The following LYPLAL1 variants were observed in gnomAD, a reference collection of about 807,000 sequenced individuals.
LYPLAL1 encodes the protein lysophospholipase-like protein 1.
Under a neutral mutation model 19.7 loss-of-function variants are expected in LYPLAL1, and 23 were observed. That is an observed-to-expected ratio of 1.17 (90% confidence interval 0.84 to 1.65). The LOEUF (loss-of-function observed/expected upper bound fraction) is 1.65. LYPLAL1 is among the 40% of genes most tolerant of loss of function. The pLI is 0.00. For synonymous variants in LYPLAL1, 119 were observed against 96.3 expected, an observed-to-expected ratio of 1.24 and a Z score of -1.38; for missense variants, 355 against 279.4, an observed-to-expected ratio of 1.27 and a Z score of -1.93.
the LYPLAL1 span, among the ~76,000 whole-genome samples, chr1:219,353,320 A>G: frequency 6.6e-6 from 1 of 152,378 alleles, no homozygotes; most frequent in Admixed American, 6.5e-5. Flanking sequence ...TAGATTCTAC[A>G]TAATGGTTCC....
the LYPLAL1 span, among the ~76,000 whole-genome samples, chr1:219,349,995 T>C: frequency 6.6e-6 from 1 of 152,212 alleles, no homozygotes; most frequent in Non-Finnish European, 1.5e-5. Context: ...CAATGATGCC[T>C]TTGATTTCAC....
At chr1:219,229,993 A>G in the LYPLAL1 span, among the ~76,000 whole-genome samples, 1 of 152,174 alleles carries the variant, frequency 6.6e-6, no homozygotes, top group African/African-American at 2.4e-5. Flanking sequence ...TAAGGTTACC[A>G]CACAAATGGC....
chr1:219,432,626 G>A, the LYPLAL1 span, among the ~76,000 whole-genome samples: 1 of 152,162 alleles, frequency 6.6e-6, no homozygotes, highest in South Asian at 2.1e-4. Context: ...CTCCTGAAGG[G>A]GAAATGGAAG....
chr1:219,389,387 T>C, the LYPLAL1 span, among the ~76,000 whole-genome samples: 1 of 152,306 alleles, frequency 6.6e-6, no homozygotes, highest in East Asian at 1.9e-4. Flanking sequence ...GGGTGGAGTT[T>C]GTTATTCAGA....
chr1:219,370,547 T>C, the LYPLAL1 span, among the ~76,000 whole-genome samples: 1 of 152,166 alleles, frequency 6.6e-6, no homozygotes, highest in Non-Finnish European at 1.5e-5. Context: ...TTTTGATCCA[T>C]GAGGAAGCAG....
At chr1:219,348,379 C>T in the LYPLAL1 span, among the ~76,000 whole-genome samples, 1 of 152,164 alleles carries the variant, frequency 6.6e-6, no homozygotes, top group Non-Finnish European at 1.5e-5. Flanking sequence ...GGGGTCAATT[C>T]GTGTGGGTCT....
intron 3 of LYPLAL1, among the ~76,000 whole-genome samples, chr1:219,204,386 T>TAA (rs1033203228): frequency 1.8e-4 from 28 of 152,324 alleles, no homozygotes; most frequent in African/African-American, 6.5e-4. Context: ...GTGCAGAATA[T>TAA]AAGCATTTTA....
At chr1:219,238,659 T>C in the LYPLAL1 span, among the ~76,000 whole-genome samples, 1 of 152,114 alleles carries the variant, frequency 6.6e-6, no homozygotes, top group Non-Finnish European at 1.5e-5. Context: ...ACTTTGTACA[T>C]ACTCTCTGCT....
At chr1:219,251,622 G>A in the LYPLAL1 span, among the ~76,000 whole-genome samples, 1 of 151,888 alleles carries the variant, frequency 6.6e-6, no homozygotes, top group Non-Finnish European at 1.5e-5. Flanking sequence ...TCTCTATTCT[G>A]TTTCATTGGC....
the LYPLAL1 span, among the ~76,000 whole-genome samples, chr1:219,432,978 G>T: frequency 6.6e-6 from 1 of 152,084 alleles, no homozygotes; most frequent in Admixed American, 6.6e-5. Flanking sequence ...GTTTCTCAAG[G>T]CTCAGGAAAG....
At chr1:219,302,074 C>T in the LYPLAL1 span, among the ~76,000 whole-genome samples, 1 of 152,158 alleles carries the variant, frequency 6.6e-6, no homozygotes, top group African/African-American at 2.4e-5. Flanking sequence ...AGCAAGGCAG[C>T]ATTGCCAGCA....
the LYPLAL1 span, among the ~76,000 whole-genome samples, chr1:219,413,936 C>T: frequency 5.9e-5 from 9 of 152,132 alleles, no homozygotes; most frequent in African/African-American, 1.4e-4. Context: ...TCTGTAAAAA[C>T]GGTAAAGACT....
At chr1:219,295,087 G>C in the LYPLAL1 span, among the ~76,000 whole-genome samples, 1 of 152,138 alleles carries the variant, frequency 6.6e-6, no homozygotes, top group East Asian at 1.9e-4. Context: ...GCTCTGGGCA[G>C]CACTCCACAG....
the LYPLAL1 span, among the ~76,000 whole-genome samples, chr1:219,433,643 G>A: frequency 1.3e-5 from 2 of 152,198 alleles, no homozygotes; most frequent in Non-Finnish European, 2.9e-5. Flanking sequence ...ACAAGGCAGG[G>A]CCATGCTCCT....
At chr1:219,373,189 A>G in the LYPLAL1 span, among the ~76,000 whole-genome samples, 1 of 152,242 alleles carries the variant, frequency 6.6e-6, no homozygotes, top group Non-Finnish European at 1.5e-5. Context: ...ATACATATGA[A>G]AGCAGGGGAT....
the LYPLAL1 span, among the ~76,000 whole-genome samples, chr1:219,441,902 A>G: frequency 0.044 from 6,643 of 152,198 alleles, 230 homozygotes; most frequent in African/African-American, 0.098. Flanking sequence ...ATCTGTTCCA[A>G]TTACAAGGTT....
chr1:219,422,296 T>G, the LYPLAL1 span, among the ~76,000 whole-genome samples: 1 of 152,208 alleles, frequency 6.6e-6, no homozygotes, highest in Non-Finnish European at 1.5e-5. Context: ...TTTATCTACA[T>G]AAACAGGTTG....
intron 3 of LYPLAL1, among the ~76,000 whole-genome samples, chr1:219,210,118 A>G (rs1384216193): frequency 1.3e-5 from 2 of 152,124 alleles, no homozygotes; most frequent in African/African-American, 2.4e-5. Context: ...ATAACTCCTT[A>G]TGGAGCTCAC....
At chr1:219,199,994 A>G (rs542558132) in intron 3 of LYPLAL1, 3 of 233,586 alleles carry the variant, frequency 1.3e-5, no homozygotes, top group Admixed American at 8.1e-5. Context: ...CTGGACAGCT[A>G]GCTGCTTCCT....
Sources: gnomAD v4.1 joint callset for allele counts (sites outside exome capture counted in the v4.1 genomes callset) on GRCh38, gnomAD v4.1.1 for gene constraint, MANE v1.5 for transcripts, NCBI Gene and HGNC (gene_info 2026-07-23, HGNC 2026-07-21) for gene names.